The following RIC8B variants were observed in gnomAD, a reference collection of about 807,000 sequenced individuals.
The protein encoded by RIC8B is chaperone Ric-8B.
A neutral mutation model predicts 57.5 loss-of-function variants in RIC8B; 16 were observed. The ratio of observed to expected loss-of-function variants is 0.28; its 90% CI spans 0.19 to 0.42. RIC8B has a LOEUF of 0.42. Among genes scored for constraint, RIC8B ranks in the 10% least tolerant of loss-of-function variants. The probability of loss-of-function intolerance (pLI) is 1.00; values close to 1 mark genes in which losing one functional copy is unlikely to be tolerated. For missense variants in RIC8B, 481 were observed against 677.0 expected, an observed-to-expected ratio of 0.71 and a Z score of 3.21; for synonymous variants, 216 against 250.8, an observed-to-expected ratio of 0.86 and a Z score of 1.31.
At chr12:106,842,428 C>G (rs923913121) in intron 4 of RIC8B, among the ~76,000 whole-genome samples, 161 bp from the exon 5 acceptor site, 1 of 151,856 alleles carries the variant, frequency 6.6e-6, no homozygotes, top group Non-Finnish European at 1.5e-5. Context: ...TTTTTTATTT[C>G]CTATCTCATA....
At chr12:106,809,522 C>CAAAAA (rs201411394) in intron 2 of RIC8B, among the ~76,000 whole-genome samples, 24 of 105,564 alleles carry the variant, frequency 2.3e-4, no homozygotes, top group African/African-American at 4.9e-4. Flanking sequence ...ACTCTTGTCT[C>CAAAAA]AAAAAAAAAA....
intron 2 of RIC8B, among the ~76,000 whole-genome samples, chr12:106,800,250 T>C (rs2044669990): frequency 6.6e-6 from 1 of 152,156 alleles, no homozygotes; most frequent in Non-Finnish European, 1.5e-5. Context: ...TTCTACAGGC[T>C]GTACAGGAAG....
intron 3 of RIC8B, among the ~76,000 whole-genome samples, chr12:106,820,903 C>A (rs1391254168): frequency 6.6e-6 from 1 of 152,180 alleles, no homozygotes; most frequent in Non-Finnish European, 1.5e-5. Context: ...TTTCGATTTT[C>A]ACTATCACAA....
intron 1 of RIC8B, among the ~76,000 whole-genome samples, chr12:106,783,248 A>G (rs1004972147): frequency 6.6e-6 from 1 of 152,076 alleles, no homozygotes; most frequent in Non-Finnish European, 1.5e-5. Context: ...ATTGTGCTTT[A>G]TATACATGCC....
At position 106,887,000 on chromosome 12, in the gene RIC8B, CTT is replaced by C. The variant is rs969158043; in HGVS notation, c.*987_*988del. On this transcript the variant is annotated 3_prime_UTR_variant, in exon 10 of 10. Transcript: ENST00000392837. The stretch of plus-strand genomic sequence containing the variant: ...CCATATGTGATCAGTTTAATAGTAA[CTT>C]TATTTATTTAAAAAAAAGAAACACA... The C allele has an allele frequency of 6.6e-6, 1 of 152,342 alleles. No individual in the cohort carries two copies. The highest frequency in any genetic ancestry group is 2.4e-5 in the African/African-American group (1 of 41,310). The allele number at this position is 152,342 out of a possible 1,614,324, so 9.4% of individuals were successfully genotyped here. A position where few individuals can be genotyped will look rare whatever the true frequency, so the allele number is the denominator to read the frequency against.
chr12:106,836,499 T>G (rs1016336327), intron 4 of RIC8B, among the ~76,000 whole-genome samples: 2 of 152,174 alleles, frequency 1.3e-5, no homozygotes, highest in Non-Finnish European at 2.9e-5. Context: ...CTTGCAGTGT[T>G]TCCCATTTTC....
intron 9 of RIC8B, chr12:106,871,389 T>C (rs947563923): frequency 6.9e-6 from 1 of 145,106 alleles, no homozygotes; most frequent in Non-Finnish European, 1.5e-5. Flanking sequence ...TAAAATGTCA[T>C]GCACCCAATA....
At chr12:106,826,348 C>T (rs763369607) in intron 4 of RIC8B, among the ~76,000 whole-genome samples, 36 of 152,204 alleles carry the variant, frequency 2.4e-4, no homozygotes, top group African/African-American at 5.6e-4. Flanking sequence ...TTAACTAGTA[C>T]TCTCACTAAT....
At chr12:106,857,042 G>A (rs960199847) in intron 7 of RIC8B, among the ~76,000 whole-genome samples, 2 of 152,170 alleles carry the variant, frequency 1.3e-5, no homozygotes, top group Non-Finnish European at 2.9e-5. Context: ...GAATCTTTAG[G>A]AGACAAGTTT....
intron 4 of RIC8B, among the ~76,000 whole-genome samples, chr12:106,837,332 A>T (rs1038377923): frequency 6.0e-4 from 92 of 152,274 alleles, no homozygotes; most frequent in African/African-American, 2.1e-3. Flanking sequence ...ATTGTACTCC[A>T]GCCTGGGCGA....
chr12:106,804,182 C>A (rs1211961305), intron 2 of RIC8B, among the ~76,000 whole-genome samples: 1 of 151,850 alleles, frequency 6.6e-6, no homozygotes, highest in Non-Finnish European at 1.5e-5. Flanking sequence ...CCTCAACAAC[C>A]CTATGAAGTA....
In RIC8B at chr12:106,886,256, T is replaced by G; in HGVS notation, c.*241T>G. 2 of 436,158 alleles carry G rather than the reference T, an allele frequency of 4.6e-6. No homozygotes were observed. The highest frequency in any genetic ancestry group is 7.6e-5 in the East Asian group (2 of 26,472). 27.0% of individuals were successfully genotyped at this position (436,158 alleles called of 1,614,324 possible). A position where few individuals can be genotyped will look rare whatever the true frequency, so the allele number is the denominator to read the frequency against. ...GGCTAAAAGCAGAAAAAAAATTCCA[T>G]TTCATCGGGATGGAACTGAAGGATT... On this transcript the variant is annotated 3_prime_UTR_variant, in exon 10 of 10. Transcript: ENST00000392837.
At chr12:106,826,522 G>T (rs1184630721) in intron 4 of RIC8B, among the ~76,000 whole-genome samples, 2 of 152,196 alleles carry the variant, frequency 1.3e-5, no homozygotes, top group African/African-American at 4.8e-5. Flanking sequence ...GGGAGTCCAA[G>T]GCCGGTGGAT....
intron 2 of RIC8B, among the ~76,000 whole-genome samples, chr12:106,804,210 C>T (rs979208313): frequency 5.5e-5 from 8 of 145,774 alleles, no homozygotes; most frequent in African/African-American, 1.0e-4. Context: ...TTTTTTCCTT[C>T]CTTTCTTTCT....
chr12:106,814,563 G>T, intron 2 of RIC8B, 133 bp from the exon 3 acceptor site: 1 of 931,780 alleles, frequency 1.1e-6, no homozygotes. Context: ...CTAACATTCC[G>T]TGATTTAAAA....
chr12:106,841,663 A>G (rs1948955446), intron 4 of RIC8B, among the ~76,000 whole-genome samples: 1 of 152,172 alleles, frequency 6.6e-6, no homozygotes. Context: ...TCACTAGGAA[A>G]TAAAATGCCT....
intron 7 of RIC8B, among the ~76,000 whole-genome samples, chr12:106,852,818 C>G (rs912209210): frequency 6.6e-6 from 1 of 152,126 alleles, no homozygotes; most frequent in Non-Finnish European, 1.5e-5. Context: ...TCTTTAATGA[C>G]TTTGAAAAAA....
chr12:106,860,230 C>A (rs751128693), intron 7 of RIC8B, 38 bp from the exon 8 acceptor site: 1 of 1,494,440 alleles, frequency 6.7e-7, no homozygotes, highest in Non-Finnish European at 8.9e-7. Context: ...GGTGAAGACC[C>A]AAGGATTCCT....
At chr12:106,789,900 A>C (rs2136190110) in intron 2 of RIC8B, among the ~76,000 whole-genome samples, 1 of 151,474 alleles carries the variant, frequency 6.6e-6, no homozygotes, top group South Asian at 2.1e-4. Flanking sequence ...GTGACAACTT[A>C]GAAGTAAGTG....
Sources: gnomAD v4.1 joint callset for allele counts (sites outside exome capture counted in the v4.1 genomes callset) on GRCh38, gnomAD v4.1.1 for gene constraint, MANE v1.5 for transcripts, NCBI Gene and HGNC (gene_info 2026-07-23, HGNC 2026-07-21) for gene names.